OLFM3: variants seen among roughly 807,000 people sequenced by gnomAD.
OLFM3 encodes noelin-3.
In OLFM3, 20 loss-of-function variants were observed where a neutral mutation model predicts 48.6. The observed-to-expected ratio is 0.41, with a 90% CI of 0.29 to 0.60. The LOEUF is 0.60. Ranked by LOEUF, OLFM3 falls within the 20% of genes least tolerant of loss-of-function variation. The probability of loss-of-function intolerance (pLI) is 0.28; values close to 1 mark genes in which losing one functional copy is unlikely to be tolerated. For missense variants in OLFM3, 437 were observed against 544.3 expected (o/e 0.80, Z 1.96); for synonymous variants, 222 against 198.1 (o/e 1.12, Z -1.01).
chr1:101,825,219 G>A lies in OLFM3; in HGVS notation c.399C>T (p.Leu133=), dbSNP rs765841621. ...GTTCCAGCACGGGGATCAAAGGCAG[G>A]AGCTCGTCCATTTTCTCTTTCAACT... ...FQELKEKMDE[L]LPLIPVLEQY... Residue 133 remains leucine, a synonymous_variant, in exon 4 of 6, where the codon CTC becomes CTT. Coordinates refer to ENST00000370103, the MANE Select transcript of OLFM3 (RefSeq NM_058170.4). 4 of 1,613,764 alleles carry A rather than the reference G, an allele frequency of 2.5e-6. No homozygotes were observed. The highest frequency in any genetic ancestry group is 2.2e-5 in the South Asian group (2 of 91,038).
At chr1:101,840,406 G>A (rs896893648) in intron 1 of OLFM3, among the ~76,000 whole-genome samples, 1 of 152,108 alleles carries the variant, frequency 6.6e-6, no homozygotes, top group Non-Finnish European at 1.5e-5. Flanking sequence ...CAGTGAGTAG[G>A]GAGATTTGTG....
At chr1:101,806,655 A>C (rs1653791799) in intron 4 of OLFM3, among the ~76,000 whole-genome samples, 1 of 151,768 alleles carries the variant, frequency 6.6e-6, no homozygotes, top group Admixed American at 6.6e-5. Context: ...GGCAAAGAAG[A>C]AGCCCCCAAG....
chr1:101,982,925 C>CACAA (rs1661141663), intron 1 of OLFM3, among the ~76,000 whole-genome samples: 1 of 152,004 alleles, frequency 6.6e-6, no homozygotes, highest in Non-Finnish European at 1.5e-5. Context: ...CACACACACA[C>CACAA]ACACACAATT....
chr1:101,902,188 G>T (rs147259347), intron 1 of OLFM3, among the ~76,000 whole-genome samples: 122 of 152,118 alleles, frequency 8.0e-4, no homozygotes, highest in Non-Finnish European at 1.4e-3. Context: ...GGGAGGGAGT[G>T]CAAGAAGGAG....
At chr1:101,962,051 C>A (rs993628927) in intron 1 of OLFM3, among the ~76,000 whole-genome samples, 14 of 152,108 alleles carry the variant, frequency 9.2e-5, no homozygotes, top group African/African-American at 2.9e-4. Flanking sequence ...AGAACAATTT[C>A]CGCTTGCCGT....
chr1:101,822,081 C>A (rs1425689768), intron 4 of OLFM3, among the ~76,000 whole-genome samples: 1 of 152,022 alleles, frequency 6.6e-6, no homozygotes, highest in African/African-American at 2.4e-5. Context: ...GAATGCGTGC[C>A]TACTTAGATT....
intron 1 of OLFM3, among the ~76,000 whole-genome samples, chr1:101,989,043 T>G (rs1411951174): frequency 6.6e-6 from 1 of 152,104 alleles, no homozygotes; most frequent in Non-Finnish European, 1.5e-5. Flanking sequence ...GTTCTTAGTT[T>G]ATCAGGATTA....
At chr1:101,933,226 A>G (rs867620235) in intron 1 of OLFM3, among the ~76,000 whole-genome samples, 45 of 149,852 alleles carry the variant, frequency 3.0e-4, no homozygotes, top group African/African-American at 9.8e-4. Flanking sequence ...AAAAAAAAAA[A>G]AAAGAGAAAA....
intron 1 of OLFM3, among the ~76,000 whole-genome samples, chr1:101,939,194 A>C (rs187102012): frequency 4.6e-5 from 7 of 152,304 alleles, no homozygotes; most frequent in African/African-American, 1.7e-4. Context: ...TAAACTTCAT[A>C]AGTTTTATTC....
intron 1 of OLFM3, among the ~76,000 whole-genome samples, chr1:101,952,207 T>G (rs1660163705): frequency 6.6e-6 from 1 of 152,136 alleles, no homozygotes. Flanking sequence ...ATAAAGAAAG[T>G]ATAATTTCTT....
chr1:101,970,533 C>A (rs187490714), intron 1 of OLFM3, among the ~76,000 whole-genome samples: 1 of 152,130 alleles, frequency 6.6e-6, no homozygotes, highest in Non-Finnish European at 1.5e-5. Context: ...GCTTTTCTTT[C>A]GTACTCCTTT....
At chr1:101,825,580 T>C (rs1654822630) in intron 3 of OLFM3, among the ~76,000 whole-genome samples, 1 of 152,234 alleles carries the variant, frequency 6.6e-6, no homozygotes, top group Non-Finnish European at 1.5e-5. Context: ...GTGAACAATG[T>C]ATTATCTAGT....
intron 4 of OLFM3, among the ~76,000 whole-genome samples, chr1:101,808,854 A>G (rs372606207): frequency 9.2e-5 from 14 of 151,974 alleles, no homozygotes; most frequent in African/African-American, 2.9e-4. Flanking sequence ...ATGTTCAGAA[A>G]AACCAGGGCT....
chr1:101,990,198 A>C (rs1661360313), intron 1 of OLFM3, among the ~76,000 whole-genome samples: 1 of 152,186 alleles, frequency 6.6e-6, no homozygotes, highest in African/African-American at 2.4e-5. Context: ...ATTATGATGT[A>C]AACTTGTAAG....
At chr1:101,817,102 GA>G (rs1654369599) in intron 4 of OLFM3, among the ~76,000 whole-genome samples, 1 of 151,616 alleles carries the variant, frequency 6.6e-6, no homozygotes, top group African/African-American at 2.4e-5. Context: ...TAAACAATAA[GA>G]GTCATTTTTT....
intron 1 of OLFM3, among the ~76,000 whole-genome samples, chr1:101,907,212 C>T (rs1658583431): frequency 6.6e-6 from 1 of 152,130 alleles, no homozygotes; most frequent in South Asian, 2.1e-4. Context: ...TAATCATTTA[C>T]ATGCAGTAAA....
At chr1:101,807,914 G>A (rs1653857943) in intron 4 of OLFM3, among the ~76,000 whole-genome samples, 1 of 151,740 alleles carries the variant, frequency 6.6e-6, no homozygotes. Flanking sequence ...AACAATATAT[G>A]AGTAAAGTAG....
intron 1 of OLFM3, among the ~76,000 whole-genome samples, chr1:101,930,131 A>G (rs1022407375): frequency 6.6e-6 from 1 of 152,140 alleles, no homozygotes; most frequent in African/African-American, 2.4e-5. Context: ...ACTTAAACCA[A>G]CCCAGAGGGA....
chr1:101,915,911 G>A lies in OLFM3; in HGVS notation c.70-78886C>T, dbSNP rs145230525. ...ACAGCTATTAATAATACTACCCTGT[G>A]GTTTTCAAAGAGCTTTCATTTGTAC... On this transcript the variant is annotated intron_variant, in intron 1 of 5. Coordinates refer to ENST00000370103, the MANE Select transcript of OLFM3 (RefSeq NM_058170.4). 3.0e-3 allele frequency among the ~76,000 whole-genome samples: 454 copies of A among 152,066 alleles called. 3 individuals carry two copies. The highest frequency in any genetic ancestry group is 0.01 in the African/African-American group (432 of 41,492).
Sources: allele counts gnomAD v4.1 joint callset (sites outside exome capture counted in the v4.1 genomes callset), GRCh38; gene constraint gnomAD v4.1.1; transcripts MANE v1.5; gene names NCBI Gene and HGNC (gene_info 2026-07-23, HGNC 2026-07-21).